Variants in CLIP4 observed in about 807,000 individuals in gnomAD.
The protein encoded by CLIP4 is CAP-Gly domain containing linker protein family member 4.
In CLIP4, 47 loss-of-function variants were observed where a neutral mutation model predicts 73.1. That is an observed-to-expected ratio of 0.64 (90% CI 0.51 to 0.82). The LOEUF (loss-of-function observed/expected upper bound fraction) is 0.82, where lower values mean the gene tolerates loss of function less well. CLIP4 is among the 40% of genes least tolerant of loss of function. CLIP4 has a pLI of 0.00. For synonymous variants in CLIP4, 306 were observed against 295.4 expected (o/e 1.04, Z -0.37); for missense variants, 874 against 852.9 (o/e 1.02, Z -0.31).
intron 2 of CLIP4, 100 bp from the exon 3 acceptor site, chr2:29,131,158 A>G (rs1194518823): frequency 4.6e-6 from 5 of 1,078,156 alleles, no homozygotes; most frequent in Non-Finnish European, 6.5e-6. Context: ...TAGCATCTAA[A>G]ATATTTGTAT....
At chr2:29,116,370 C>T (rs931800151) in intron 1 of CLIP4, among the ~76,000 whole-genome samples, 3 of 152,222 alleles carry the variant, frequency 2.0e-5, no homozygotes, top group African/African-American at 7.2e-5. Context: ...TCCTATGGGA[C>T]AATAACTTGC....
intron 12 of CLIP4, 73 bp from the exon 13 acceptor site, chr2:29,163,758 T>G: frequency 7.0e-7 from 1 of 1,426,424 alleles, no homozygotes; most frequent in Non-Finnish European, 9.3e-7. Context: ...CACCTCGACT[T>G]TGGTTTTGTA....
chr2:29,120,408 G>A (rs1664174446), intron 1 of CLIP4, among the ~76,000 whole-genome samples: 1 of 152,078 alleles, frequency 6.6e-6, no homozygotes, highest in Admixed American at 6.6e-5. Flanking sequence ...TTAGATATAG[G>A]GTTGGTTAAG....
intron 2 of CLIP4, chr2:29,130,953 T>C: frequency 7.8e-7 from 1 of 1,273,912 alleles, no homozygotes; most frequent in Non-Finnish European, 1.0e-6. Context: ...GACCTGGTTT[T>C]CTACCCCAGA....
chr2:29,164,925 T>G (rs927515487), intron 13 of CLIP4, among the ~76,000 whole-genome samples: 1 of 152,252 alleles, frequency 6.6e-6, no homozygotes, highest in East Asian at 1.9e-4. Context: ...TATAAAGTAT[T>G]TTCACTTAAG....
At chr2:29,174,174 A>G (rs899148966) in intron 14 of CLIP4, among the ~76,000 whole-genome samples, 199 bp from the exon 15 acceptor site, 3 of 151,712 alleles carry the variant, frequency 2.0e-5, no homozygotes, top group Non-Finnish European at 4.4e-5. Context: ...GCTGGTCTTG[A>G]ACTCCTAAGT....
intron 11 of CLIP4, among the ~76,000 whole-genome samples, chr2:29,159,090 A>T (rs181475889): frequency 4.6e-5 from 7 of 152,328 alleles, no homozygotes; most frequent in African/African-American, 1.7e-4. Context: ...CTGAGTTTGT[A>T]TCTTATTTTT....
chr2:29,134,811 T>A (rs1042509013), intron 5 of CLIP4, among the ~76,000 whole-genome samples: 1 of 152,190 alleles, frequency 6.6e-6, no homozygotes, highest in Admixed American at 6.5e-5. Context: ...TATTAACATG[T>A]CCTTAGAGTT....
At chr2:29,147,342 A>G (rs1018480668) in intron 8 of CLIP4, among the ~76,000 whole-genome samples, 1 of 152,110 alleles carries the variant, frequency 6.6e-6, no homozygotes, top group African/African-American at 2.4e-5. Context: ...TGAGTTTTAA[A>G]ATACATACTT....
chr2:29,139,855 A>G (rs1354252355), intron 6 of CLIP4, among the ~76,000 whole-genome samples: 1 of 150,686 alleles, frequency 6.6e-6, no homozygotes, highest in African/African-American at 2.4e-5. Context: ...TATCATTTCC[A>G]ATTGTGCTTA....
chr2:29,168,015 G>C (rs1316244862), intron 14 of CLIP4: 2 of 152,162 alleles, frequency 1.3e-5, no homozygotes, highest in Non-Finnish European at 2.9e-5. Flanking sequence ...GTTTCTCTAG[G>C]ATTCCCAGGT....
intron 1 of CLIP4, chr2:29,118,211 ATC>A (rs1223891361): frequency 1.1e-4 from 16 of 152,298 alleles, no homozygotes; most frequent in Admixed American, 4.6e-4. Flanking sequence ...CTTGAACCAT[ATC>A]TCAAATCTGA....
At chr2:29,170,779 T>TGTG (rs1667952500) in intron 14 of CLIP4, among the ~76,000 whole-genome samples, 1 of 152,208 alleles carries the variant, frequency 6.6e-6, no homozygotes. Context: ...TTGGGTAAGA[T>TGTG]GTGAGGGTCT....
chr2:29,158,527 C>T (rs913250543), intron 11 of CLIP4, among the ~76,000 whole-genome samples: 2 of 150,500 alleles, frequency 1.3e-5, no homozygotes, highest in Admixed American at 6.6e-5. Context: ...GGAGATGGGC[C>T]GAGAATGGGA....
chr2:29,107,358 G>GTTTTGTTTTTTTTTTTTTTTTTT (rs1668239932), intron 1 of CLIP4, among the ~76,000 whole-genome samples: 1 of 65,352 alleles, frequency 1.5e-5, no homozygotes, highest in Non-Finnish European at 3.0e-5. Context: ...GAACATGATA[G>GTTTTGTTTTTTTTTTTTTTTTTT]TTTTTTTTTT....
chr2:29,132,496 G>GTTCCC (rs949727225), intron 4 of CLIP4: 1 of 435,168 alleles, frequency 2.3e-6, no homozygotes, highest in Admixed American at 4.0e-5. Flanking sequence ...ATAGATGAGA[G>GTTCCC]TAACTAGTAA....
intron 1 of CLIP4, among the ~76,000 whole-genome samples, chr2:29,107,365 T>TTTTGTTTTTTTTGTTTTTTTTG (rs1668246380): frequency 1.2e-5 from 1 of 86,162 alleles, no homozygotes; most frequent in African/African-American, 5.0e-5. Context: ...ATAGTTTTTT[T>TTTTGTTTTTTTTGTTTTTTTTG]TTTTTTTTTT....
chr2:29,122,573 A>T (rs1303053192), intron 2 of CLIP4, among the ~76,000 whole-genome samples: 6 of 152,180 alleles, frequency 3.9e-5, no homozygotes, highest in African/African-American at 1.2e-4. Context: ...TAGTTGCTCA[A>T]TGATTGTTGA....
chr2:29,161,263 C>T lies in CLIP4; in HGVS notation c.1534+796C>T, dbSNP rs369076464. ...TGCTGGGATTACAGGTGTGAGCCACCGTGCCCAGCCAGATTGCTTTCTTTT... is the reference window on the plus strand; with the variant it reads ...TGCTGGGATTACAGGTGTGAGCCACTGTGCCCAGCCAGATTGCTTTCTTTT... On this transcript the variant is annotated intron_variant, in intron 12 of 15. Coordinates refer to ENST00000320081, the MANE Select transcript of CLIP4 (RefSeq NM_024692.6). Among the ~76,000 whole-genome samples, 56 of 151,414 alleles carry T rather than the reference C, an allele frequency of 3.7e-4. 1 individual carries two copies. The highest frequency in any genetic ancestry group is 1.0e-3 in the African/African-American group (43 of 41,138).
Sources: gnomAD v4.1 joint callset for allele counts (sites outside exome capture counted in the v4.1 genomes callset) on GRCh38, gnomAD v4.1.1 for gene constraint, MANE v1.5 for transcripts, NCBI Gene and HGNC (gene_info 2026-07-23, HGNC 2026-07-21) for gene names.